Variants in TNNI3K observed in about 807,000 individuals in gnomAD.
The protein encoded by TNNI3K is TNNI3 interacting kinase, also known as serine/threonine-protein kinase TNNI3K.
A neutral mutation model predicts 114.5 loss-of-function variants in TNNI3K; 140 were observed. The observed-to-expected ratio is 1.22, with a 90% CI of 1.07 to 1.41. The LOEUF (loss-of-function observed/expected upper bound fraction) is 1.41. Among genes scored for constraint, TNNI3K ranks in the 40% most tolerant of loss-of-function variants. The probability of loss-of-function intolerance (pLI) is 0.00; values close to 1 mark genes in which losing one functional copy is unlikely to be tolerated. For synonymous variants in TNNI3K, 347 were observed against 347.5 expected, an observed-to-expected ratio of 1.00 and a Z score of 0.02; for missense variants, 1,125 against 1,007.6, an observed-to-expected ratio of 1.12 and a Z score of -1.58.
chr1:74,309,957 A>G (rs187541556), intron 5 of TNNI3K, among the ~76,000 whole-genome samples: 206 of 152,304 alleles, frequency 1.4e-3, no homozygotes, highest in African/African-American at 4.8e-3. Context: ...AGTTGTAGAC[A>G]GAGCAATTAG....
chr1:74,367,472 T>C (rs1382560601), intron 12 of TNNI3K, 130 bp downstream of exon 12: 1 of 948,314 alleles, frequency 1.1e-6, no homozygotes, highest in African/African-American at 1.7e-5. Flanking sequence ...ATTAGATTTA[T>C]TTTAAGTAAC....
intron 5 of TNNI3K, among the ~76,000 whole-genome samples, chr1:74,281,138 T>G (rs1656986712): frequency 1.3e-5 from 2 of 152,048 alleles, no homozygotes; most frequent in South Asian, 4.1e-4. Context: ...ACTTGCTGAT[T>G]AAAGAGCCCT....
At chr1:74,358,967 T>G (rs1661807879) in intron 11 of TNNI3K, among the ~76,000 whole-genome samples, 1 of 151,944 alleles carries the variant, frequency 6.6e-6, no homozygotes, top group South Asian at 2.1e-4. Flanking sequence ...AAATAACCCT[T>G]TAAATTTTTA....
intron 5 of TNNI3K, among the ~76,000 whole-genome samples, chr1:74,306,292 G>T (rs1259610050): frequency 6.6e-6 from 1 of 152,134 alleles, no homozygotes; most frequent in Non-Finnish European, 1.5e-5. Flanking sequence ...TAGGCACCTA[G>T]ATTGATTCCA....
At chr1:74,314,092 T>G (rs1172944909) in intron 5 of TNNI3K, among the ~76,000 whole-genome samples, 1 of 139,276 alleles carries the variant, frequency 7.2e-6, no homozygotes, top group Non-Finnish European at 1.5e-5. Flanking sequence ...TATATATATG[T>G]ATATATATGG....
At chr1:74,379,448 A>G (rs1663087215) in intron 17 of TNNI3K, among the ~76,000 whole-genome samples, 1 of 151,986 alleles carries the variant, frequency 6.6e-6, no homozygotes, top group Non-Finnish European at 1.5e-5. Flanking sequence ...GGGCTCCTTA[A>G]CCACTTAGTT....
intron 21 of TNNI3K, chr1:74,464,653 C>T (rs755334880): frequency 1.3e-6 from 2 of 1,592,898 alleles, no homozygotes; most frequent in Admixed American, 1.7e-5. Context: ...CAGACCAAGT[C>T]ATTACCCAGT....
intron 7 of TNNI3K, among the ~76,000 whole-genome samples, chr1:74,341,057 A>C (rs1475373332): frequency 6.6e-6 from 1 of 152,210 alleles, no homozygotes; most frequent in African/African-American, 2.4e-5. Flanking sequence ...AGCAGCTACA[A>C]GGCCTAATTA....
chr1:74,463,659 G>T, intron 21 of TNNI3K, 109 bp downstream of exon 21: 1 of 1,253,672 alleles, frequency 8.0e-7, no homozygotes, highest in Non-Finnish European at 1.1e-6. Flanking sequence ...TGTCAAGGCG[G>T]GAAGACTGAT....
At chr1:74,295,172 C>T (rs929886796) in intron 5 of TNNI3K, among the ~76,000 whole-genome samples, 28 of 3,058 alleles carry the variant, frequency 9.2e-3, no homozygotes, top group Admixed American at 0.042. Flanking sequence ...TTGACAGTTA[C>T]TAATTATTTT....
intron 21 of TNNI3K, among the ~76,000 whole-genome samples, chr1:74,474,251 G>A (rs1668073764): frequency 6.6e-6 from 1 of 152,150 alleles, no homozygotes; most frequent in Admixed American, 6.6e-5. Context: ...CTAATGAAAG[G>A]GTAAGTGCTT....
chr1:74,530,220 G>A (rs1646563194), intron 23 of TNNI3K, among the ~76,000 whole-genome samples: 1 of 152,136 alleles, frequency 6.6e-6, no homozygotes, highest in Non-Finnish European at 1.5e-5. Flanking sequence ...ACAGCTCCTG[G>A]CATTGTGCTT....
chr1:74,340,740 CT>C (rs1275013193), intron 7 of TNNI3K, among the ~76,000 whole-genome samples: 3 of 152,168 alleles, frequency 2.0e-5, no homozygotes, highest in Admixed American at 6.6e-5. Context: ...CTTAAGAATT[CT>C]TATGTCACGC....
chr1:74,361,772 G>A (rs1298362826), intron 11 of TNNI3K, among the ~76,000 whole-genome samples: 7 of 152,084 alleles, frequency 4.6e-5, no homozygotes, highest in Non-Finnish European at 5.9e-5. Context: ...AGGTGTTATT[G>A]GAGCTGGCCC....
chr1:74,511,697 G>A (rs1670235720), intron 23 of TNNI3K, among the ~76,000 whole-genome samples: 1 of 152,042 alleles, frequency 6.6e-6, no homozygotes, highest in Admixed American at 6.6e-5. Context: ...GAAACACACA[G>A]GAAGATAAGT....
chr1:74,278,221 A>T (rs1326499163), intron 5 of TNNI3K, among the ~76,000 whole-genome samples: 1 of 152,184 alleles, frequency 6.6e-6, no homozygotes, highest in East Asian at 1.9e-4. Context: ...TCTTGTGAAT[A>T]GGCAATAGTC....
At chr1:74,354,901 G>T (rs1661572254) in intron 11 of TNNI3K, among the ~76,000 whole-genome samples, 1 of 152,162 alleles carries the variant, frequency 6.6e-6, no homozygotes, top group African/African-American at 2.4e-5. Flanking sequence ...AAATAAAGAT[G>T]ATTGATAACA....
intron 5 of TNNI3K, among the ~76,000 whole-genome samples, chr1:74,324,954 T>C (rs933812291): frequency 3.3e-5 from 5 of 151,960 alleles, no homozygotes; most frequent in African/African-American, 1.2e-4. Flanking sequence ...TGGGAGAAAC[T>C]ATAGGGAAAG....
At chr1:74,475,295 C>A in intron 21 of TNNI3K, 1 of 645,264 alleles carries the variant, frequency 1.5e-6, no homozygotes, top group Non-Finnish European at 2.8e-6. Context: ...ACAAACTCAC[C>A]TTCTGTTCTT....
Sources: allele counts gnomAD v4.1 joint callset (sites outside exome capture counted in the v4.1 genomes callset), GRCh38; gene constraint gnomAD v4.1.1; transcripts MANE v1.5; gene names NCBI Gene and HGNC (gene_info 2026-07-23, HGNC 2026-07-21).